SIK3: variants seen among roughly 807,000 people sequenced by gnomAD.
SIK3 encodes SIK family kinase 3.
SIK3 carries 28 observed loss-of-function variants against 144.2 expected under a neutral mutation model. That is an observed-to-expected ratio of 0.19 (90% CI 0.14 to 0.27). The LOEUF (loss-of-function observed/expected upper bound fraction) is 0.27, where lower values mean the gene tolerates loss of function less well. Among genes scored for constraint, SIK3 ranks in the 10% least tolerant of loss-of-function variants. The pLI, the probability that SIK3 is intolerant of heterozygous loss-of-function variation, is 1.00. For missense variants in SIK3, 1,319 were observed against 1,776.0 expected, an observed-to-expected ratio of 0.74 and a Z score of 4.62; for synonymous variants, 686 against 676.3, an observed-to-expected ratio of 1.01 and a Z score of -0.22.
intron 15 of SIK3, chr11:116,865,131 C>T (rs1273967803): frequency 1.3e-5 from 2 of 151,232 alleles, no homozygotes; most frequent in African/African-American, 4.8e-5. Flanking sequence ...TTCCTTATAA[C>T]TTGTCATTTC....
At chr11:116,845,756 G>A (rs1367642376) in intron 24 of SIK3, 127 bp from the exon 25 acceptor site, 1 of 152,220 alleles carries the variant, frequency 6.6e-6, no homozygotes. Context: ...TTGCCATACT[G>A]AGGCTCTGAT....
At chr11:116,954,003 G>A in intron 3 of SIK3, 41 bp downstream of exon 3, 3 of 1,540,944 alleles carry the variant, frequency 1.9e-6, no homozygotes, top group Non-Finnish European at 2.7e-6. Flanking sequence ...TTGCCATAGT[G>A]TGCTCAATAG....
At chr11:116,874,367 A>G (rs1944131659) in intron 11 of SIK3, among the ~76,000 whole-genome samples, 1 of 152,216 alleles carries the variant, frequency 6.6e-6, no homozygotes, top group Non-Finnish European at 1.5e-5. Context: ...GGTGAACACC[A>G]AGTTTCTGGA....
chr11:117,071,951 A>G (rs1224421284), intron 1 of SIK3, among the ~76,000 whole-genome samples: 1 of 145,996 alleles, frequency 6.8e-6, no homozygotes, highest in African/African-American at 2.4e-5. Flanking sequence ...TTTTAATGAA[A>G]GATTAAATGT....
chr11:116,967,191 C>T (rs1949590234), intron 1 of SIK3, among the ~76,000 whole-genome samples: 2 of 152,098 alleles, frequency 1.3e-5, no homozygotes, highest in South Asian at 4.1e-4. Flanking sequence ...AATGCCAACT[C>T]ACAGGTAAAA....
chr11:116,871,423 G>A (rs1943965077), intron 13 of SIK3, among the ~76,000 whole-genome samples: 1 of 152,274 alleles, frequency 6.6e-6, no homozygotes. Context: ...TGAGGCAGGA[G>A]AGGAACGCTG....
At chr11:117,049,892 C>T (rs543053643) in intron 1 of SIK3, among the ~76,000 whole-genome samples, 2 of 151,830 alleles carry the variant, frequency 1.3e-5, no homozygotes, top group African/African-American at 2.4e-5. Context: ...GCCCAGAGTT[C>T]AAGTTTATAG....
At chr11:117,012,289 G>GAAA (rs1951295380) in intron 1 of SIK3, among the ~76,000 whole-genome samples, 1 of 152,142 alleles carries the variant, frequency 6.6e-6, no homozygotes, top group East Asian at 1.9e-4. Flanking sequence ...ATACTTTTTA[G>GAAA]AAAAGTTTTT....
At chr11:117,079,619 A>G (rs1224088015) in intron 1 of SIK3, among the ~76,000 whole-genome samples, 1 of 152,226 alleles carries the variant, frequency 6.6e-6, no homozygotes, top group African/African-American at 2.4e-5. Flanking sequence ...CATTTGGTTT[A>G]TATCAAAATG....
intron 3 of SIK3, among the ~76,000 whole-genome samples, chr11:116,933,826 C>T (rs537814416): frequency 2.6e-5 from 4 of 152,094 alleles, no homozygotes; most frequent in African/African-American, 4.8e-5. Flanking sequence ...TCAAAACCTC[C>T]GGATGGGTTC....
chr11:117,023,788 C>T (rs1325212581), intron 1 of SIK3, among the ~76,000 whole-genome samples: 1 of 151,746 alleles, frequency 6.6e-6, no homozygotes, highest in African/African-American at 2.4e-5. Flanking sequence ...GTGATTCTCC[C>T]ACTTCAGCCT....
intron 4 of SIK3, among the ~76,000 whole-genome samples, chr11:116,917,185 G>A (rs780776899): frequency 6.6e-6 from 1 of 151,998 alleles, no homozygotes; most frequent in Admixed American, 6.6e-5. Flanking sequence ...CACTCTGGGT[G>A]ATTCGTTAGT....
chr11:116,973,734 G>A (rs1160280215), intron 1 of SIK3, among the ~76,000 whole-genome samples: 3 of 152,086 alleles, frequency 2.0e-5, no homozygotes, highest in Admixed American at 6.6e-5. Context: ...TGAAAATGGC[G>A]CTTTACCTTG....
At chr11:116,873,829 A>G (rs1944096587) in intron 12 of SIK3, 74 bp downstream of exon 12, 1 of 1,536,116 alleles carries the variant, frequency 6.5e-7, no homozygotes, top group East Asian at 2.3e-5. Context: ...GTCCTAGGGA[A>G]GGTGCCTCAT....
At chr11:117,065,221 T>G (rs888448100) in intron 1 of SIK3, among the ~76,000 whole-genome samples, 1 of 151,524 alleles carries the variant, frequency 6.6e-6, no homozygotes, top group East Asian at 1.9e-4. Flanking sequence ...TTACCCAACA[T>G]AAAATGAGAC....
chr11:116,899,709 G>C (rs192527342), intron 4 of SIK3, among the ~76,000 whole-genome samples: 276 of 152,288 alleles, frequency 1.8e-3, no homozygotes, highest in African/African-American at 5.7e-3. Flanking sequence ...CTAAGACAAT[G>C]AGCAAGGATG....
chr11:117,027,587 C>T (rs1022475835), intron 1 of SIK3, among the ~76,000 whole-genome samples: 4 of 152,022 alleles, frequency 2.6e-5, no homozygotes, highest in African/African-American at 9.7e-5. Context: ...CTCAGCCTCC[C>T]GAGTAGCTGG....
intron 6 of SIK3, among the ~76,000 whole-genome samples, chr11:116,893,416 C>T (rs1341459944): frequency 2.0e-5 from 3 of 152,100 alleles, no homozygotes; most frequent in Non-Finnish European, 4.4e-5. Context: ...GTAGCTCACA[C>T]CAATAGTCCC....
chr11:116,947,585 A>G (rs1253897569), intron 3 of SIK3, among the ~76,000 whole-genome samples: 1 of 65,006 alleles, frequency 1.5e-5, no homozygotes, highest in Non-Finnish European at 4.7e-5. Context: ...TTTTTTTTTG[A>G]GACAGAGTCT....
Sources: allele counts gnomAD v4.1 joint callset (sites outside exome capture counted in the v4.1 genomes callset), GRCh38; gene constraint gnomAD v4.1.1; transcripts MANE v1.5; gene names NCBI Gene and HGNC (gene_info 2026-07-23, HGNC 2026-07-21).